ADAMTS19: variants seen among roughly 807,000 people sequenced by gnomAD.
The protein encoded by ADAMTS19 is ADAM metallopeptidase with thrombospondin type 1 motif 19, also known as A disintegrin and metalloproteinase with thrombospondin motifs 19.
A neutral mutation model predicts 153.3 loss-of-function variants in ADAMTS19; 93 were observed. That is an observed-to-expected ratio of 0.61 (90% CI 0.51 to 0.72). The LOEUF is 0.72. Ranked by LOEUF, ADAMTS19 falls within the 30% of genes least tolerant of loss-of-function variation. ADAMTS19 has a pLI of 0.00. For missense variants in ADAMTS19, 1,482 were observed against 1,552.1 expected, an observed-to-expected ratio of 0.95 and a Z score of 0.76; for synonymous variants, 600 against 556.6, an observed-to-expected ratio of 1.08 and a Z score of -1.10.
chr5:129,658,312 AGAAAGAAAGAAAGAAAG>A (rs1561632114), intron 14 of ADAMTS19, among the ~76,000 whole-genome samples: 2 of 25,068 alleles, frequency 8.0e-5, no homozygotes, highest in African/African-American at 1.8e-4. Context: ...AGAAAGAAAA[AGAAAGAAAGAAAGAAAG>A]AAAGAAAGAA....
intron 6 of ADAMTS19, among the ~76,000 whole-genome samples, chr5:129,541,656 T>C (rs540577048): frequency 6.6e-6 from 1 of 152,156 alleles, no homozygotes; most frequent in East Asian, 1.9e-4. Flanking sequence ...ACAGAGGTGA[T>C]ATGTTTTACC....
chr5:129,612,140 C>T (rs1277383433), intron 8 of ADAMTS19, among the ~76,000 whole-genome samples: 3 of 119,116 alleles, frequency 2.5e-5, no homozygotes, highest in African/African-American at 9.6e-5. Flanking sequence ...CACCCCATAA[C>T]AGTCCCTGGT....
At position 129,461,333 on chromosome 5, in the gene ADAMTS19, G is replaced by T. The variant is rs1206027360; in HGVS notation, c.323G>T (p.Arg108Leu). ...CCCGTGGAGGGCCGATCAGAGTCCC[G>T]GCTCCGGCCCCCGCCGCCGTCGGAG... ...EEPVEGRSES[R>L]LRPPPPSEGE... is the part of the protein sequence containing the mutation. The change falls in exon 2 of 23, where the codon CGG becomes CTG. Residue 108 changes from arginine to leucine, a missense_variant. Arg to Leu is a moderately radical substitution (Grantham distance 102). This residue lies in a region of ADAMTS19 where 866 missense variants were observed against 827.7 expected (regional missense o/e 1.05). Coordinates refer to ENST00000274487, the MANE Select transcript of ADAMTS19 (RefSeq NM_133638.6). The surrounding 1 kb of genome is among the most constrained non-coding windows in gnomAD (Gnocchi z 4.6). 3.0e-6 allele frequency: 4 copies of T among 1,331,782 alleles called. No homozygotes were observed. The African/African-American group carries it at 6.2e-5, about 21-fold the overall frequency. The allele number at this position is 1,331,782 out of a possible 1,614,324, so 82.5% of individuals were successfully genotyped here. A position where few individuals can be genotyped will look rare whatever the true frequency, so the allele number is the denominator to read the frequency against.
chr5:129,570,028 G>A (rs1753841317), intron 7 of ADAMTS19, among the ~76,000 whole-genome samples: 1 of 151,896 alleles, frequency 6.6e-6, no homozygotes, highest in Non-Finnish European at 1.5e-5. Flanking sequence ...TTCTCCTATT[G>A]ACTCTCCAAA....
At chr5:129,718,344 T>G (rs1403953892) in intron 21 of ADAMTS19, among the ~76,000 whole-genome samples, 3 of 151,842 alleles carry the variant, frequency 2.0e-5, no homozygotes, top group Non-Finnish European at 4.4e-5. Flanking sequence ...GAATGTTAGA[T>G]CCAAAAAAAA....
intron 18 of ADAMTS19, among the ~76,000 whole-genome samples, chr5:129,690,104 A>G (rs1418369291): frequency 6.6e-6 from 1 of 151,376 alleles, no homozygotes; most frequent in African/African-American, 2.4e-5. Flanking sequence ...TTCCTTTACC[A>G]GTATTGACCA....
At chr5:129,649,172 A>G (rs934460863) in intron 13 of ADAMTS19, among the ~76,000 whole-genome samples, 2 of 152,248 alleles carry the variant, frequency 1.3e-5, no homozygotes, top group African/African-American at 4.8e-5. Flanking sequence ...CCCCATACCT[A>G]TTAGAACAAC....
chr5:129,699,280 G>T (rs960180743), intron 19 of ADAMTS19, among the ~76,000 whole-genome samples: 2 of 151,940 alleles, frequency 1.3e-5, no homozygotes, highest in African/African-American at 4.8e-5. Flanking sequence ...AAAAATTAGG[G>T]GGACATGGCG....
At chr5:129,489,730 TG>T (rs1276016227) in intron 2 of ADAMTS19, among the ~76,000 whole-genome samples, 1 of 152,104 alleles carries the variant, frequency 6.6e-6, no homozygotes, top group East Asian at 1.9e-4. Context: ...ATTAAGAGTG[TG>T]GGCTCAGCAG....
chr5:129,611,134 C>T (rs1336571159), intron 8 of ADAMTS19, among the ~76,000 whole-genome samples: 4 of 151,896 alleles, frequency 2.6e-5, no homozygotes, highest in Non-Finnish European at 4.4e-5. Flanking sequence ...TTGATGGGGT[C>T]GTTTGCTTTT....
intron 18 of ADAMTS19, among the ~76,000 whole-genome samples, chr5:129,689,091 GAATGAGGACCCCAA>G (rs1165704418): frequency 9.2e-5 from 14 of 152,128 alleles, no homozygotes; most frequent in Admixed American, 6.5e-5. Context: ...AAATAAAATA[GAATGAGGACCCCAA>G]AATTCAATAA....
intron 16 of ADAMTS19, among the ~76,000 whole-genome samples, chr5:129,668,389 T>A (rs1469968622): frequency 2.0e-5 from 3 of 152,138 alleles, no homozygotes; most frequent in Admixed American, 6.5e-5. Flanking sequence ...ACAACAGAAA[T>A]GTATTGCTCA....
intron 21 of ADAMTS19, among the ~76,000 whole-genome samples, chr5:129,722,017 T>C (rs1001388597): frequency 3.3e-5 from 5 of 152,210 alleles, no homozygotes; most frequent in Admixed American, 1.3e-4. Flanking sequence ...CACATTTGGG[T>C]TGGTTCCATG....
At chr5:129,494,412 T>G (rs1750862842) in intron 2 of ADAMTS19, among the ~76,000 whole-genome samples, 1 of 152,174 alleles carries the variant, frequency 6.6e-6, no homozygotes, top group Non-Finnish European at 1.5e-5. Flanking sequence ...TATTGATTAT[T>G]AGTTTTCTCT....
chr5:129,549,198 A>G (rs957145357), intron 6 of ADAMTS19, among the ~76,000 whole-genome samples: 5 of 150,226 alleles, frequency 3.3e-5, no homozygotes, highest in Admixed American at 1.3e-4. Context: ...AAATAAATAA[A>G]TAAATAAAAT....
chr5:129,684,166 C>T lies in ADAMTS19; in HGVS notation c.2711C>T (p.Thr904Ile), dbSNP rs1342420440. The T allele has an allele frequency of 1.2e-6, 2 of 1,614,136 alleles. No individual in the cohort carries two copies. Among genetic ancestry groups the T allele is most frequent in the African/African-American group, 2.7e-5 (2 of 75,028 alleles). Residue 904 changes from threonine to isoleucine, a missense_variant, in exon 18 of 23, where the codon ACT (threonine) becomes ATT (isoleucine). By Grantham distance (89) the Thr-to-Ile change is moderately conservative (BLOSUM62 -1). Around this residue, in one of 2 missense-constraint regions of ADAMTS19, gnomAD observed 616 missense variants for 724.4 expected, o/e 0.85. Coordinates refer to ENST00000274487, the MANE Select transcript of ADAMTS19 (RefSeq NM_133638.6). The stretch of plus-strand genomic sequence containing the variant: ...AATTATGGTCTTCACTATGAATACA[C>T]TATCCCATCAGACCCTCTTCCAGAA... ...DQNYGLHYEY[T>I]IPSDPLPENQ...
chr5:129,718,864 C>T (rs889941545), intron 21 of ADAMTS19, among the ~76,000 whole-genome samples: 2 of 152,162 alleles, frequency 1.3e-5, no homozygotes, highest in Admixed American at 1.3e-4. Flanking sequence ...CTGCCAGTGA[C>T]AATTTTCCCT....
chr5:129,621,491 G>C (rs1751773891), intron 9 of ADAMTS19, among the ~76,000 whole-genome samples: 1 of 152,086 alleles, frequency 6.6e-6, no homozygotes, highest in Non-Finnish European at 1.5e-5. Flanking sequence ...CCTTTAAATA[G>C]TTAAGCCCAT....
At chr5:129,646,612 G>A (rs1457769745) in intron 11 of ADAMTS19, among the ~76,000 whole-genome samples, 1 of 151,922 alleles carries the variant, frequency 6.6e-6, no homozygotes, top group Non-Finnish European at 1.5e-5. Context: ...TCCTTAGTAA[G>A]GGCTATACAT....
Sources: allele counts gnomAD v4.1 joint callset (sites outside exome capture counted in the v4.1 genomes callset), GRCh38; gene constraint gnomAD v4.1.1; regional missense constraint gnomAD v4.1.1; non-coding constraint Gnocchi (gnomAD v3.1); transcripts MANE v1.5; gene names NCBI Gene and HGNC (gene_info 2026-07-23, HGNC 2026-07-21).